Variants in ADGRA3 observed in about 807,000 individuals in gnomAD.
ADGRA3 encodes the protein G-protein coupled receptor 125.
ADGRA3 carries 56 observed loss-of-function variants against 119.8 expected under a neutral mutation model. The ratio of observed to expected loss-of-function variants is 0.47; its 90% confidence interval spans 0.38 to 0.58. ADGRA3 has a LOEUF of 0.58. Ranked by LOEUF, ADGRA3 falls within the 20% of genes least tolerant of loss-of-function variation. The pLI, the probability that ADGRA3 is intolerant of heterozygous loss-of-function variation, is 0.00. For missense variants in ADGRA3, 1,516 were observed against 1,649.0 expected (o/e 0.92, Z 1.40); for synonymous variants, 607 against 623.8 (o/e 0.97, Z 0.40).
intron 3 of ADGRA3, among the ~76,000 whole-genome samples, chr4:22,459,606 T>C (rs989136201): frequency 3.9e-5 from 6 of 151,984 alleles, no homozygotes; most frequent in African/African-American, 1.5e-4. Context: ...CCCAGTGTTA[T>C]GATGCAAATA....
chr4:22,474,381 C>T (rs905071889), intron 1 of ADGRA3, among the ~76,000 whole-genome samples: 10 of 152,144 alleles, frequency 6.6e-5, no homozygotes, highest in African/African-American at 2.4e-4. Context: ...CAGACAAACA[C>T]AGGCAGCTGA....
In ADGRA3 at chr4:22,445,115, A is replaced by G; in HGVS notation, c.564T>C (p.Tyr188=). 1.9e-6 allele frequency: 3 copies of G among 1,613,884 alleles called. No homozygotes were observed. The highest frequency in any genetic ancestry group is 2.5e-6 in the Non-Finnish European group (3 of 1,179,794). Residue 188 remains tyrosine, a synonymous_variant, in exon 6 of 19, where the codon TAT becomes TAC. Coordinates refer to ENST00000334304, the MANE Select transcript of ADGRA3 (RefSeq NM_145290.4). ...SLRSLEFQTE[Y]LLCDCNILWM... ...ACAGTATGTTACAGTCACACAAAAGATACTCAGTCTGGAATTCCCTGTAAC... is the reference window on the plus strand; with the variant it reads ...ACAGTATGTTACAGTCACACAAAAGGTACTCAGTCTGGAATTCCCTGTAAC...
intron 1 of ADGRA3, among the ~76,000 whole-genome samples, chr4:22,487,086 C>T (rs1394425847): frequency 6.6e-6 from 1 of 152,182 alleles, no homozygotes; most frequent in Non-Finnish European, 1.5e-5. Context: ...ACAGCATCTG[C>T]TCCACCACAC....
intron 4 of ADGRA3, among the ~76,000 whole-genome samples, chr4:22,451,383 C>T (rs1393013261): frequency 1.3e-5 from 2 of 152,080 alleles, no homozygotes; most frequent in African/African-American, 2.4e-5. Context: ...ACAGGCTTCA[C>T]AGAAGTCCAT....
chr4:22,497,054 T>C (rs895814971), intron 1 of ADGRA3, among the ~76,000 whole-genome samples: 3 of 152,182 alleles, frequency 2.0e-5, no homozygotes, highest in African/African-American at 7.2e-5. Context: ...TTTATAACTT[T>C]TGGGGCGAAT....
chr4:22,417,673 C>T (rs923157159), intron 12 of ADGRA3, among the ~76,000 whole-genome samples: 1 of 152,140 alleles, frequency 6.6e-6, no homozygotes, highest in Non-Finnish European at 1.5e-5. Flanking sequence ...CAGCTCGCTC[C>T]ACCACTGTAT....
chr4:22,464,196 C>T (rs1384979495), intron 2 of ADGRA3, among the ~76,000 whole-genome samples: 1 of 152,176 alleles, frequency 6.6e-6, no homozygotes, highest in Non-Finnish European at 1.5e-5. Context: ...ATTACCATCA[C>T]TGGGTAGGTA....
Position 22,447,662 on chromosome 4 carries a change from A to C in ADGRA3, c.474-151T>G, listed in dbSNP as rs913243956. The C allele has an allele frequency of 1.6e-5, 8 of 493,878 alleles. No homozygotes were observed. The South Asian group carries it at 3.6e-4, about 22-fold the overall frequency. The allele number at this position is 493,878 out of a possible 1,614,324, so 30.6% of individuals were successfully genotyped here. A position where few individuals can be genotyped will look rare whatever the true frequency, so the allele number is the denominator to read the frequency against. ...GCTTATAAAGAGGGAGCGATTAGAA[A>C]ACACTTCCTCCAAGGGTGAAGAAGA... is the stretch of plus-strand genomic sequence containing the variant. On this transcript the variant is annotated intron_variant, in intron 4 of 18. Coordinates refer to ENST00000334304, the MANE Select transcript of ADGRA3 (RefSeq NM_145290.4).
At chr4:22,413,848 T>A (rs1432192096) in intron 12 of ADGRA3, 34 bp from the exon 13 acceptor site, 1 of 1,390,906 alleles carries the variant, frequency 7.2e-7, no homozygotes, top group Non-Finnish European at 9.8e-7. Context: ...AAAAGCTCAC[T>A]ACATTAGTAC....
chr4:22,436,786 A>C, intron 8 of ADGRA3, 145 bp from the exon 9 acceptor site: 1 of 659,196 alleles, frequency 1.5e-6, no homozygotes, highest in Non-Finnish European at 2.6e-6. Context: ...GCTGGGAGAA[A>C]CCTTTGTTAT....
At chr4:22,512,469 T>C (rs1273865947) in intron 1 of ADGRA3, among the ~76,000 whole-genome samples, 1 of 152,208 alleles carries the variant, frequency 6.6e-6, no homozygotes, top group Admixed American at 6.5e-5. Context: ...GTCCAAGTCC[T>C]GACCTTTTAA....
At chr4:22,508,067 T>C (rs1719307738) in intron 1 of ADGRA3, among the ~76,000 whole-genome samples, 2 of 152,190 alleles carry the variant, frequency 1.3e-5, no homozygotes, top group African/African-American at 4.8e-5. Context: ...TAAAGAACAA[T>C]TACGTACCCA....
At chr4:22,398,014 G>A (rs940256179) in intron 16 of ADGRA3, 2 of 942,222 alleles carry the variant, frequency 2.1e-6, no homozygotes, top group Non-Finnish European at 1.3e-6. Flanking sequence ...GGGAGTCAGC[G>A]ACATGAAGAA....
At chr4:22,443,893 A>G (rs1389502148) in intron 6 of ADGRA3, among the ~76,000 whole-genome samples, 1 of 152,128 alleles carries the variant, frequency 6.6e-6, no homozygotes, top group Non-Finnish European at 1.5e-5. Context: ...TACTTGTGAT[A>G]CAACAATAAT....
chr4:22,465,103 G>A (rs979155289), intron 2 of ADGRA3, among the ~76,000 whole-genome samples: 3 of 152,200 alleles, frequency 2.0e-5, no homozygotes, highest in African/African-American at 4.8e-5. Flanking sequence ...CTTCTACAAT[G>A]AGTGAAGGTG....
intron 6 of ADGRA3, among the ~76,000 whole-genome samples, 188 bp downstream of exon 6, chr4:22,444,785 A>T (rs551460091): frequency 6.6e-6 from 1 of 152,302 alleles, no homozygotes; most frequent in South Asian, 2.1e-4. Flanking sequence ...GACAACTGAA[A>T]AAAAAAAGGT....
intron 1 of ADGRA3, 91 bp downstream of exon 1, chr4:22,515,437 G>T: frequency 1.4e-6 from 2 of 1,449,070 alleles, no homozygotes; most frequent in South Asian, 2.7e-5. Flanking sequence ...ACAAAGGCGC[G>T]TGGGTGCCGG....
At chr4:22,469,453 G>C (rs1332066133) in intron 2 of ADGRA3, among the ~76,000 whole-genome samples, 2 of 152,106 alleles carry the variant, frequency 1.3e-5, no homozygotes, top group East Asian at 1.9e-4. Flanking sequence ...GGACCAACTG[G>C]TGCTTGACCC....
intron 1 of ADGRA3, among the ~76,000 whole-genome samples, chr4:22,475,196 G>A (rs1717995651): frequency 6.6e-6 from 1 of 152,100 alleles, no homozygotes; most frequent in African/African-American, 2.4e-5. Context: ...CAGTAACAGA[G>A]TTCCATTATT....
Sources: allele counts gnomAD v4.1 joint callset (sites outside exome capture counted in the v4.1 genomes callset), GRCh38; gene constraint gnomAD v4.1.1; transcripts MANE v1.5; gene names NCBI Gene and HGNC (gene_info 2026-07-23, HGNC 2026-07-21).